BLMH: variants seen among roughly 807,000 people sequenced by gnomAD.
The protein encoded by BLMH is bleomycin hydrolase.
A neutral mutation model predicts 61.6 loss-of-function variants in BLMH; 32 were observed. That is an observed-to-expected ratio of 0.52 (90% CI 0.39 to 0.70). The LOEUF (loss-of-function observed/expected upper bound fraction) is 0.70. Among genes scored for constraint, BLMH ranks in the 30% least tolerant of loss-of-function variants. The pLI is 0.00. For synonymous variants in BLMH, 183 were observed against 193.8 expected, an observed-to-expected ratio of 0.94 and a Z score of 0.46; for missense variants, 460 against 555.5, an observed-to-expected ratio of 0.83 and a Z score of 1.73.
intron 6 of BLMH, 23 bp downstream of exon 6, chr17:30,285,365 A>G: frequency 6.3e-7 from 1 of 1,587,094 alleles, no homozygotes; most frequent in Non-Finnish European, 8.6e-7. Flanking sequence ...GGGGTCACAA[A>G]AAAATCCAAA....
Position 30,291,938 on chromosome 17 carries a change from G to T in BLMH, c.-119C>A. On this transcript the variant is annotated 5_prime_UTR_variant, in exon 1 of 12. Coordinates refer to ENST00000261714, the MANE Select transcript of BLMH (RefSeq NM_000386.4). The stretch of plus-strand genomic sequence containing the variant: ...CCTGTCTCTCGCACCCGGAGCGCCG[G>T]AAAAAGGAAACCGGCTCGGCGGCGG... 1 of 1,161,902 alleles carries T rather than the reference G, an allele frequency of 8.6e-7. No individual in the cohort carries two copies. Among genetic ancestry groups the T allele is most frequent in the Non-Finnish European group, 1.1e-6 (1 of 905,618 alleles). The allele number at this position is 1,161,902 out of a possible 1,614,324, so 72.0% of individuals were successfully genotyped here.
intron 6 of BLMH, among the ~76,000 whole-genome samples, chr17:30,279,993 A>G (rs984153625): frequency 6.6e-6 from 1 of 152,146 alleles, no homozygotes; most frequent in Admixed American, 6.5e-5. Context: ...TCCCACGCCC[A>G]TGACAGACAT....
Position 30,285,447 on chromosome 17 carries a change from C to G in BLMH, c.586G>C (p.Val196Leu). Residue 196 changes from valine to leucine, a missense_variant, in exon 6 of 12, where the codon GTA (valine) becomes CTA (leucine). Val to Leu is a conservative substitution (Grantham distance 32). Coordinates refer to ENST00000261714, the MANE Select transcript of BLMH (RefSeq NM_000386.4). The part of the protein sequence containing the change: ...REFCIRLRNL[V>L]HSGATKGEIS... Reference sequence around the variant, plus strand: ...TCTCCTTTGGTTGCTCCACTGTGTACCAGGTTCCGCAGTCGTATACAGAAT... The same window carrying G: ...TCTCCTTTGGTTGCTCCACTGTGTAGCAGGTTCCGCAGTCGTATACAGAAT... 6.2e-7 allele frequency: 1 copy of G among 1,612,824 alleles called. No individual in the cohort carries two copies. Among genetic ancestry groups the G allele is most frequent in the Non-Finnish European group, 8.5e-7 (1 of 1,179,356 alleles).
intron 1 of BLMH, 104 bp downstream of exon 1, chr17:30,291,703 C>G: frequency 7.1e-7 from 1 of 1,402,654 alleles, no homozygotes; most frequent in Non-Finnish European, 9.3e-7. Context: ...GCTCCCTCCC[C>G]GCCATCGCCA....
At chr17:30,267,681 A>C (rs893165956) in intron 10 of BLMH, among the ~76,000 whole-genome samples, 3 of 152,220 alleles carry the variant, frequency 2.0e-5, no homozygotes, top group Non-Finnish European at 4.4e-5. Context: ...TCATCACAAC[A>C]ACCTTCATTT....
At chr17:30,252,244 T>C (rs1383394981) in intron 11 of BLMH, 2 of 152,130 alleles carry the variant, frequency 1.3e-5, no homozygotes, top group Non-Finnish European at 2.9e-5. Flanking sequence ...ACAATACTGG[T>C]AAGTCTAATT....
intron 8 of BLMH, 46 bp from the exon 9 acceptor site, chr17:30,272,674 T>G (rs1487048319): frequency 6.2e-7 from 1 of 1,613,944 alleles, no homozygotes; most frequent in Non-Finnish European, 8.5e-7. Flanking sequence ...AACCCCATCT[T>G]CCTATTATAC....
intron 6 of BLMH, among the ~76,000 whole-genome samples, chr17:30,275,765 T>C (rs1908406788): frequency 6.6e-6 from 1 of 152,112 alleles, no homozygotes; most frequent in South Asian, 2.1e-4. Context: ...GTATTTTATC[T>C]TCTATATCAA....
chr17:30,266,082 G>C (rs1555595693), intron 11 of BLMH, among the ~76,000 whole-genome samples: 1 of 152,120 alleles, frequency 6.6e-6, no homozygotes, highest in Non-Finnish European at 1.5e-5. Context: ...CCAGTATAAA[G>C]AAGTGCTAAG....
intron 10 of BLMH, among the ~76,000 whole-genome samples, chr17:30,267,668 T>C (rs933120964): frequency 2.6e-5 from 4 of 152,222 alleles, no homozygotes; most frequent in Non-Finnish European, 5.9e-5. Context: ...GGGACAGTGA[T>C]ACTCATCACA....
chr17:30,259,589 T>C (rs1427407169), intron 11 of BLMH, among the ~76,000 whole-genome samples: 2 of 152,122 alleles, frequency 1.3e-5, no homozygotes, highest in African/African-American at 4.8e-5. Context: ...CTTTTCTCGG[T>C]CTATTTATCC....
chr17:30,256,977 A>G (rs1391389810), intron 11 of BLMH, among the ~76,000 whole-genome samples: 2 of 152,250 alleles, frequency 1.3e-5, no homozygotes, highest in African/African-American at 2.4e-5. Flanking sequence ...CACAATGCCT[A>G]TGGAATGGTG....
intron 11 of BLMH, among the ~76,000 whole-genome samples, chr17:30,262,778 G>T (rs62068692): frequency 6.6e-6 from 1 of 152,172 alleles, no homozygotes; most frequent in Admixed American, 6.5e-5. Context: ...CTGGGCAACA[G>T]AGCAAGACTC....
At chr17:30,260,396 T>C (rs1230721965) in intron 11 of BLMH, among the ~76,000 whole-genome samples, 3 of 152,228 alleles carry the variant, frequency 2.0e-5, no homozygotes, top group Non-Finnish European at 4.4e-5. Flanking sequence ...AGATGCCTCA[T>C]TGCAGGTTAG....
At chr17:30,286,294 G>A (rs1468701558) in intron 5 of BLMH, among the ~76,000 whole-genome samples, 1 of 152,210 alleles carries the variant, frequency 6.6e-6, no homozygotes, top group African/African-American at 2.4e-5. Context: ...AACTGGTTAT[G>A]TAGAGAAGAC....
intron 3 of BLMH, 126 bp from the exon 4 acceptor site, chr17:30,288,073 A>G (rs1908780648): frequency 9.9e-7 from 1 of 1,012,030 alleles, no homozygotes; most frequent in Non-Finnish European, 1.4e-6. Context: ...TTTCTTTTTA[A>G]AAACATGAAA....
rs752941039 is a variant in BLMH, at chr17:30,287,955, G to C, written c.322-8C>G. On this transcript the variant is annotated splice_polypyrimidine_tract_variant and splice_region_variant and intron_variant, in intron 3 of 11. Transcript: ENST00000261714. Reference sequence around the variant, plus strand: ...GAAATAACAGCGTTCAACCTAAAGAGTAAAGAAAGTTAAATAACATTAAAA... The same window carrying C: ...GAAATAACAGCGTTCAACCTAAAGACTAAAGAAAGTTAAATAACATTAAAA... 1 of 1,602,702 alleles carries C rather than the reference G, an allele frequency of 6.2e-7. No homozygotes were observed. Among genetic ancestry groups the C allele is most frequent in the Non-Finnish European group, 8.5e-7 (1 of 1,175,580 alleles).
intron 2 of BLMH, among the ~76,000 whole-genome samples, chr17:30,290,444 G>C (rs1368052429): frequency 2.0e-5 from 3 of 152,100 alleles, no homozygotes; most frequent in African/African-American, 7.2e-5. Flanking sequence ...ATTAATTATT[G>C]TAAGGTCTTG....
At chr17:30,249,813 G>A (rs190278684) in intron 11 of BLMH, 4 of 152,602 alleles carry the variant, frequency 2.6e-5, no homozygotes, top group East Asian at 1.9e-4. Flanking sequence ...ACGATCAGGC[G>A]GAACTAGAAG....
Sources: allele counts gnomAD v4.1 joint callset (sites outside exome capture counted in the v4.1 genomes callset), GRCh38; gene constraint gnomAD v4.1.1; transcripts MANE v1.5; gene names NCBI Gene and HGNC (gene_info 2026-07-23, HGNC 2026-07-21).